Variants in DYM observed in about 807,000 individuals in gnomAD.
DYM encodes dyggve-Melchior-Clausen syndrome protein.
DYM carries 78 observed loss-of-function variants against 93.1 expected under a neutral mutation model. The observed-to-expected ratio is 0.84, with a 90% confidence interval of 0.70 to 1.01. The LOEUF (loss-of-function observed/expected upper bound fraction) is 1.01, where lower values mean the gene tolerates loss of function less well. Among genes scored for constraint, DYM ranks in the 50% least tolerant of loss-of-function variants. The probability of loss-of-function intolerance (pLI) is 0.00; values close to 1 mark genes in which losing one functional copy is unlikely to be tolerated. For missense variants in DYM, 789 were observed against 845.0 expected, an observed-to-expected ratio of 0.93 and a Z score of 0.82; for synonymous variants, 321 against 319.7, an observed-to-expected ratio of 1.00 and a Z score of -0.04.
chr18:49,402,679 A>G (rs573933310), intron 2 of DYM, among the ~76,000 whole-genome samples: 29 of 152,342 alleles, frequency 1.9e-4, no homozygotes, highest in Admixed American at 9.8e-4. Flanking sequence ...CAGCAAGAAT[A>G]TGGAACGTCT....
chr18:49,171,144 G>A (rs2088664679), intron 14 of DYM, among the ~76,000 whole-genome samples: 1 of 152,156 alleles, frequency 6.6e-6, no homozygotes, highest in South Asian at 2.1e-4. Context: ...GAAATAAGCA[G>A]GATGTGAGGA....
intron 15 of DYM, among the ~76,000 whole-genome samples, chr18:49,121,632 A>C (rs567332609): frequency 2.0e-5 from 3 of 152,322 alleles, no homozygotes; most frequent in African/African-American, 7.2e-5. Context: ...AAATTATTAA[A>C]GACCAAGACA....
rs374405519 is a variant in DYM at position 49,389,442 on chromosome 18, C to T, written c.193+2151G>A. On this transcript the variant is annotated intron_variant, in intron 3 of 17. Transcript: ENST00000675505. ...GTTTTCAAATTATGAGCAATTACTA[C>T]CTCATTTACATTTTAGTATGCTTTC... Among the ~76,000 whole-genome samples, 8 of 152,212 alleles carry T rather than the reference C, an allele frequency of 5.3e-5. No individual in the cohort carries two copies. In the East Asian group the frequency reaches 9.6e-4, roughly 18 times the overall value.
chr18:49,202,409 C>T (rs372147085), intron 14 of DYM, among the ~76,000 whole-genome samples: 35 of 148,768 alleles, frequency 2.4e-4, no homozygotes, highest in African/African-American at 7.4e-4. Flanking sequence ...TCTGCCCGGC[C>T]GCCACCCCGT....
rs139641615 is a variant in DYM at position 49,449,452 on chromosome 18, T to C, written c.-54+10946A>G. Among the ~76,000 whole-genome samples, 3 of 152,196 alleles carry C rather than the reference T, an allele frequency of 2.0e-5. 1 individual carries two copies. In the East Asian group the frequency reaches 5.8e-4, roughly 29 times the overall value. On this transcript the variant is annotated intron_variant, in intron 1 of 17. Coordinates refer to ENST00000675505, the MANE Select transcript of DYM (RefSeq NM_001353214.3). ...CAACCCTAACTGGAATCCCCAGACT[T>C]TTCTATGGTGTTTTTCCTTCTTTCA...
At chr18:49,385,608 T>G (rs188717800) in intron 3 of DYM, among the ~76,000 whole-genome samples, 1 of 151,918 alleles carries the variant, frequency 6.6e-6, no homozygotes, top group Non-Finnish European at 1.5e-5. Flanking sequence ...GACAGGAGAA[T>G]TGCTTGAACC....
chr18:49,079,402 T>A (rs967773134), intron 17 of DYM, among the ~76,000 whole-genome samples: 2 of 151,902 alleles, frequency 1.3e-5, no homozygotes, highest in African/African-American at 2.4e-5. Context: ...TCTTTTTTTT[T>A]TTTTTTATTT....
chr18:49,447,261 AC>A (rs2082170769), intron 1 of DYM: 1 of 152,002 alleles, frequency 6.6e-6, no homozygotes, highest in Admixed American at 6.6e-5. Context: ...AGCATAAGAG[AC>A]CAGAAAGTAC....
chr18:49,269,437 A>T (rs1281542463), intron 11 of DYM, among the ~76,000 whole-genome samples: 1 of 152,208 alleles, frequency 6.6e-6, no homozygotes, highest in Non-Finnish European at 1.5e-5. Context: ...CTAGTGTATC[A>T]TCTCACAATT....
In DYM at chr18:49,209,536, G is replaced by A; in HGVS notation, c.1625+15C>T. ...ACATGCAGCATGCAGTAAATGGACA[G>A]CAGAGGTTAATAACCTGGAAGCATA... On this transcript the variant is annotated intron_variant, in intron 14 of 17. Transcript: ENST00000675505. 2.3e-6 allele frequency: 3 copies of A among 1,286,928 alleles called. No homozygotes were observed. In the South Asian group the frequency reaches 3.7e-5, roughly 16 times the overall value. 79.7% of individuals were successfully genotyped at this position (1,286,928 alleles called of 1,614,324 possible). A position where few individuals can be genotyped will look rare whatever the true frequency, so the allele number is the denominator to read the frequency against.
intron 3 of DYM, among the ~76,000 whole-genome samples, chr18:49,383,722 T>C (rs1434299953): frequency 6.6e-6 from 1 of 152,222 alleles, no homozygotes; most frequent in Non-Finnish European, 1.5e-5. Flanking sequence ...GGTTCCTCAA[T>C]GAAATAGACA....
At chr18:49,088,850 G>C (rs1249606438) in intron 17 of DYM, among the ~76,000 whole-genome samples, 2 of 152,156 alleles carry the variant, frequency 1.3e-5, no homozygotes, top group Non-Finnish European at 2.9e-5. Flanking sequence ...GGAGTACAGT[G>C]GTAGGATCAG....
At chr18:49,450,219 C>T (rs941082946) in intron 1 of DYM, among the ~76,000 whole-genome samples, 4 of 152,094 alleles carry the variant, frequency 2.6e-5, no homozygotes, top group Non-Finnish European at 5.9e-5. Context: ...AAGAAAAACA[C>T]GGCAAGGCTG....
chr18:49,208,182 CAAAAAA>C lies in DYM; in HGVS notation c.1625+1363_1625+1368del, dbSNP rs138264681. On this transcript the variant is annotated intron_variant, in intron 14 of 17. Transcript: ENST00000675505. Reference sequence around the variant, plus strand: ...TGGGTGACAGAGCAAGACTCCATCTCAAAAAAAAAAAAAAAAAAAAAATTAAAAAGA... The same window carrying C: ...TGGGTGACAGAGCAAGACTCCATCTCAAAAAAAAAAAAAAAATTAAAAAGA... Among the ~76,000 whole-genome samples, 83 of 58,302 alleles carry C rather than the reference CAAAAAA, an allele frequency of 1.4e-3. 1 individual carries two copies. Among genetic ancestry groups the C allele is most frequent in the African/African-American group, 4.9e-3 (82 of 16,758 alleles). 38.2% of individuals were successfully genotyped at this position (58,302 alleles called of 152,430 possible).
At chr18:49,114,879 C>T (rs1157239369) in intron 16 of DYM, among the ~76,000 whole-genome samples, 1 of 152,150 alleles carries the variant, frequency 6.6e-6, no homozygotes, top group Non-Finnish European at 1.5e-5. Flanking sequence ...ATTATTAGAA[C>T]TGATTTTGAA....
intron 6 of DYM, among the ~76,000 whole-genome samples, chr18:49,340,006 A>G (rs1385980616): frequency 1.3e-5 from 2 of 152,126 alleles, no homozygotes; most frequent in Admixed American, 1.3e-4. Context: ...GCTGGAGTGC[A>G]GTGGCGCCAT....
In DYM at chr18:49,371,597, C is replaced by T. The variant is rs573363281; in HGVS notation, c.421+6970G>A. Among the ~76,000 whole-genome samples the T allele has an allele frequency of 6.6e-4, 100 of 152,072 alleles. 2 individuals are homozygous for T. The highest frequency in any genetic ancestry group is 2.4e-3 in the African/African-American group (99 of 41,468). On this transcript the variant is annotated intron_variant, in intron 5 of 17. Coordinates refer to ENST00000675505, the MANE Select transcript of DYM (RefSeq NM_001353214.3). ...TTTAAAATATTGGATTTATAAGACG[C>T]CAAATGTGAAATAAATATCAGTATT...
At chr18:49,317,590 T>C (rs1479791878) in intron 8 of DYM, among the ~76,000 whole-genome samples, 37 of 11,580 alleles carry the variant, frequency 3.2e-3, no homozygotes, top group African/African-American at 0.015. Flanking sequence ...TCTCTCTCTC[T>C]CTCTCTCCCC....
intron 6 of DYM, among the ~76,000 whole-genome samples, chr18:49,334,586 T>C (rs2063534429): frequency 6.6e-6 from 1 of 152,102 alleles, no homozygotes; most frequent in South Asian, 2.1e-4. Context: ...ATGGGGAACA[T>C]GTTAAGACCA....
Sources: gnomAD v4.1 joint callset for allele counts (sites outside exome capture counted in the v4.1 genomes callset) on GRCh38, gnomAD v4.1.1 for gene constraint, MANE v1.5 for transcripts, NCBI Gene and HGNC (gene_info 2026-07-23, HGNC 2026-07-21) for gene names.